Variants in KRT85 observed in about 807,000 individuals in gnomAD.
KRT85 encodes the protein keratin, type II cuticular Hb5.
In KRT85, 39 loss-of-function variants were observed where a neutral mutation model predicts 53.7. That is an observed-to-expected ratio of 0.73 (90% CI 0.56 to 0.95). The LOEUF (loss-of-function observed/expected upper bound fraction) is 0.95, where lower values mean the gene tolerates loss of function less well. Ranked by LOEUF, KRT85 falls within the 40% of genes least tolerant of loss-of-function variation. The probability of loss-of-function intolerance (pLI) is 0.00; values close to 1 mark genes in which losing one functional copy is unlikely to be tolerated. For synonymous variants in KRT85, 291 were observed against 277.5 expected, an observed-to-expected ratio of 1.05 and a Z score of -0.48; for missense variants, 668 against 686.0, an observed-to-expected ratio of 0.97 and a Z score of 0.29.
intron 8 of KRT85, 97 bp downstream of exon 8, chr12:52,361,370 T>C: frequency 8.7e-7 from 1 of 1,143,226 alleles, no homozygotes; most frequent in Non-Finnish European, 1.3e-6. Flanking sequence ...GGTGAAACAG[T>C]TGGGGGAACA....
At position 52,367,211 on chromosome 12, in the gene KRT85, C is replaced by G. The variant is rs1389764146; in HGVS notation, c.195G>C (p.Arg65=). Residue 65 remains arginine (R), a synonymous_variant, in exon 1 of 9, where the codon CGG becomes CGC. Coordinates refer to ENST00000257901, the MANE Select transcript of KRT85 (RefSeq NM_002283.4). ...SLCNLGSCGP[R]IAVGGFRAGS... ...CGGCTCGGAAGCCACCTACAGCTAT[C>G]CGGGGCCCGCAGGAGCCCAGGTTGC... 3 of 1,613,522 alleles carry G rather than the reference C, an allele frequency of 1.9e-6. No individual in the cohort carries two copies. Among genetic ancestry groups the G allele is most frequent in the Admixed American group, 1.7e-5 (1 of 59,980 alleles).
chr12:52,361,506 G>A lies in KRT85; in HGVS notation c.1299-8C>T, dbSNP rs374809598. ...CCCACACCTTCACACAGCCTATGGA[G>A]AAAGAAAACTCTGTTAGTTCCAGAC... On this transcript the variant is annotated splice_region_variant and splice_polypyrimidine_tract_variant and intron_variant, in intron 7 of 8. Transcript: ENST00000257901. 2 of 1,613,338 alleles carry A rather than the reference G, an allele frequency of 1.2e-6. No individual in the cohort carries two copies. The highest frequency in any genetic ancestry group is 2.7e-5 in the African/African-American group (2 of 74,928).
rs1939253466 is a variant in KRT85, at chr12:52,365,134, T to A, written c.457A>T (p.Thr153Ser). Residue 153 changes from threonine to serine, a missense_variant, in exon 2 of 9, where the codon ACC becomes TCC. Around this residue, in one of 3 missense-constraint regions of KRT85, gnomAD observed 488 missense variants for 498.1 expected, o/e 0.98. Coordinates refer to ENST00000257901, the MANE Select transcript of KRT85 (RefSeq NM_002283.4). The stretch of plus-strand genomic sequence containing the variant: ...TGGTTCTGGTAGAACTGCCACTTGG[T>A]CTCCAGCAGCTTGTTCTGCTGCTCC... ...FLEQQNKLLE[T>S]KWQFYQNQRC... 3 of 1,614,234 alleles carry A rather than the reference T, an allele frequency of 1.9e-6. No individual in the cohort carries two copies. The highest frequency in any genetic ancestry group is 2.5e-6 in the Non-Finnish European group (3 of 1,180,048).
chr12:52,363,060 G>T, intron 5 of KRT85, 81 bp from the exon 6 acceptor site: 1 of 1,608,202 alleles, frequency 6.2e-7, no homozygotes, highest in African/African-American at 1.3e-5. Context: ...TATACAGGTT[G>T]TACGGTGCTC....
rs780000267 is a variant in KRT85 at position 52,367,109 on chromosome 12, C to T, written c.297G>A (p.Ser99=). ...GPSPPCITTV[S]VNESLLTPLN... ...GGGGCGTGAGGAGGCTCTCGTTGAC[C>T]GACACGGTAGTGATGCATGGGGGGC... The change falls in exon 1 of 9, where the codon TCG becomes TCA. Residue 99 remains serine (S), a synonymous_variant. Transcript: ENST00000257901. The T allele has an allele frequency of 3.7e-6, 6 of 1,613,300 alleles. No homozygotes were observed. In the South Asian group the frequency reaches 4.4e-5, roughly 12 times the overall value.
Position 52,362,488 on chromosome 12 carries a change from C to T in KRT85, c.1078-17G>A, listed in dbSNP as rs200163029. The T allele has an allele frequency of 3.2e-4, 512 of 1,613,524 alleles. 2 individuals carry two copies. In the African/African-American group the frequency reaches 5.9e-3, roughly 19 times the overall value. On this transcript the variant is annotated splice_polypyrimidine_tract_variant and intron_variant, in intron 6 of 8. Coordinates refer to ENST00000257901, the MANE Select transcript of KRT85 (RefSeq NM_002283.4). ...CTTGGCACGCTATCAGGTGGAGATA[C>T]AAGGGCCAGGATGAGAAAGAGAAGC...
At chr12:52,361,424 CA>C (rs779071887) in intron 8 of KRT85, 42 bp downstream of exon 8, 37 of 1,597,426 alleles carry the variant, frequency 2.3e-5, no homozygotes, top group Non-Finnish European at 3.0e-5. Context: ...GCTTTTCTAT[CA>C]AAAAAGCCAT....
intron 1 of KRT85, among the ~76,000 whole-genome samples, chr12:52,365,388 T>G (rs936384469): frequency 6.6e-6 from 1 of 152,216 alleles, no homozygotes; most frequent in Non-Finnish European, 1.5e-5. Flanking sequence ...GAGCCCCAGT[T>G]TTGATACTTT....
Position 52,361,010 on chromosome 12 carries a change from C to T in KRT85, c.1367G>A (p.Gly456Asp). 1 of 1,613,494 alleles carries T rather than the reference C, an allele frequency of 6.2e-7. No homozygotes were observed. The highest frequency in any genetic ancestry group is 8.5e-7 in the Non-Finnish European group (1 of 1,179,766). The change falls in exon 9 of 9, where the codon GGC becomes GAC. Residue 456 changes from glycine (G) to aspartate (D), a missense_variant. Physicochemically the swap from Gly to Asp is moderately conservative, Grantham distance 94 (BLOSUM62 -1). Coordinates refer to ENST00000257901, the MANE Select transcript of KRT85 (RefSeq NM_002283.4). ...CCCTGGGGTGGTGCTGTAGGAGAGG[C>T]CCCCACAGGAGACTCCACCACGGGA... ...SSSRGGVSCG[G>D]LSYSTTPGRQ...
chr12:52,364,473 AG>A, intron 2 of KRT85, 107 bp from the exon 3 acceptor site: 1 of 1,597,258 alleles, frequency 6.3e-7, no homozygotes, highest in South Asian at 1.1e-5. Context: ...AATCCCCTCC[AG>A]ATGTTGTCTT....
At position 52,360,758 on chromosome 12, in the gene KRT85, C is replaced by T. The variant is rs903067878; in HGVS notation, c.*95G>A. ...CCTCTGTAGGAACATCCAGAAGATT[C>T]TGGAAGCAAGCACACATTTTCCATT... On this transcript the variant is annotated 3_prime_UTR_variant, in exon 9 of 9. Transcript: ENST00000257901. 2 of 1,370,140 alleles carry T rather than the reference C, an allele frequency of 1.5e-6. No homozygotes were observed. The highest frequency in any genetic ancestry group is 2.3e-5 in the East Asian group (1 of 43,766). The allele number at this position is 1,370,140 out of a possible 1,614,324, so 84.9% of individuals were successfully genotyped here.
chr12:52,361,578 G>T, intron 7 of KRT85, 80 bp from the exon 8 acceptor site: 5 of 1,326,580 alleles, frequency 3.8e-6, no homozygotes, highest in South Asian at 1.2e-5. Context: ...GGACAGAGAG[G>T]GTCATCCTGT....
At position 52,367,035 on chromosome 12, in the gene KRT85, T is replaced by A. The variant is rs761010039; in HGVS notation, c.371A>T (p.Lys124Met). 12 of 1,613,776 alleles carry A rather than the reference T, an allele frequency of 7.4e-6. No homozygotes were observed. Among genetic ancestry groups the A allele is most frequent in the Non-Finnish European group, 1.0e-5 (12 of 1,179,886 alleles). The change falls in exon 1 of 9, where the codon AAG (lysine) becomes ATG (methionine). Residue 124 changes from lysine to methionine, a missense_variant. Physicochemically the swap from Lys to Met is moderately conservative, Grantham distance 95. Around this residue, in one of 3 missense-constraint regions of KRT85, gnomAD observed 22 missense variants for 46.0 expected, o/e 0.48. Transcript: ENST00000257901. ...PNAQCVKQEE[K>M]EQIKSLNSRF... ...GCTGTTGAGGGACTTGATCTGCTCC[T>A]TCTCCTCCTGCTTCACGCACTGTGC...
chr12:52,362,210 G>A, intron 7 of KRT85, 41 bp downstream of exon 7: 1 of 1,613,554 alleles, frequency 6.2e-7, no homozygotes, highest in Non-Finnish European at 8.5e-7. Flanking sequence ...GAGGACCACA[G>A]CCTCCACCTC....
At chr12:52,363,468 C>T in intron 4 of KRT85, 58 bp from the exon 5 acceptor site, 1 of 1,594,848 alleles carries the variant, frequency 6.3e-7, no homozygotes, top group South Asian at 1.1e-5. Flanking sequence ...CCACGTGATC[C>T]ACCCCAGGGG....
Position 52,360,834 on chromosome 12 carries a change from C to G in KRT85, c.*19G>C. 1 of 1,611,572 alleles carries G rather than the reference C, an allele frequency of 6.2e-7. No individual in the cohort carries two copies. The highest frequency in any genetic ancestry group is 8.5e-7 in the Non-Finnish European group (1 of 1,179,460). Reference sequence around the variant, plus strand: ...AGGCAGGCAGGTGCTTGGCAGGAAGCCCTGGCTCCATGACTCTACTAGGCA... The same window carrying G: ...AGGCAGGCAGGTGCTTGGCAGGAAGGCCTGGCTCCATGACTCTACTAGGCA... On this transcript the variant is annotated 3_prime_UTR_variant, in exon 9 of 9. Coordinates refer to ENST00000257901, the MANE Select transcript of KRT85 (RefSeq NM_002283.4).
chr12:52,363,492 C>T, intron 4 of KRT85, 82 bp from the exon 5 acceptor site: 1 of 1,482,672 alleles, frequency 6.7e-7, no homozygotes, highest in Non-Finnish European at 9.4e-7. Context: ...ATGTCCACTT[C>T]CCAGACCGGG....
rs2121401134 is a variant in KRT85, at chr12:52,362,986, G to A, written c.952-7C>T. 1 of 1,614,132 alleles carries A rather than the reference G, an allele frequency of 6.2e-7. No homozygotes were observed. The highest frequency in any genetic ancestry group is 1.6e-4 in the Middle Eastern group (1 of 6,062). On this transcript the variant is annotated splice_region_variant and splice_polypyrimidine_tract_variant and intron_variant, in intron 5 of 8. Transcript: ENST00000257901. ...TGGCCTTCATCTCCTCACACTGGAG[G>A]AAGTAGAGATGCTCATGAGGCTCAG...
chr12:52,364,578 G>C, intron 2 of KRT85: 1 of 1,449,652 alleles, frequency 6.9e-7, no homozygotes, highest in Non-Finnish European at 9.0e-7. Flanking sequence ...CTCTGAGATG[G>C]GGTTAGGAAT....
Sources: gnomAD v4.1 joint callset for allele counts (sites outside exome capture counted in the v4.1 genomes callset) on GRCh38, gnomAD v4.1.1 for gene constraint, gnomAD v4.1.1 regional missense constraint, MANE v1.5 for transcripts, NCBI Gene and HGNC (gene_info 2026-07-23, HGNC 2026-07-21) for gene names.